WWOX: variants seen among roughly 807,000 people sequenced by gnomAD.
WWOX encodes the protein WW domain-containing oxidoreductase.
In WWOX, 69 loss-of-function variants were observed where a neutral mutation model predicts 46.2. The ratio of observed to expected loss-of-function variants is 1.49; its 90% CI spans 1.23 to 1.82. The LOEUF is 1.82. Among genes scored for constraint, WWOX ranks in the 40% most tolerant of loss-of-function variants. The pLI, the probability that WWOX is intolerant of heterozygous loss-of-function variation, is 0.00. For synonymous variants in WWOX, 359 were observed against 202.6 expected (o/e 1.77, Z -6.56); for missense variants, 919 against 542.6 (o/e 1.69, Z -6.89).
chr16:78,648,645 A>C (rs963330676), intron 8 of WWOX, among the ~76,000 whole-genome samples: 1 of 152,086 alleles, frequency 6.6e-6, no homozygotes, highest in Non-Finnish European at 1.5e-5. Flanking sequence ...CCCCAAACCA[A>C]TCATACAGGA....
At chr16:78,623,794 T>C (rs2046245272) in intron 8 of WWOX, among the ~76,000 whole-genome samples, 2 of 152,118 alleles carry the variant, frequency 1.3e-5, no homozygotes, top group African/African-American at 4.8e-5. Flanking sequence ...TATTTTCCAC[T>C]ATGAATGAAG....
chr16:78,623,003 G>T (rs1235726599), intron 8 of WWOX, among the ~76,000 whole-genome samples: 1 of 152,078 alleles, frequency 6.6e-6, no homozygotes, highest in South Asian at 2.1e-4. Context: ...GCAAGAAAAT[G>T]AGGACATTAG....
intron 5 of WWOX, among the ~76,000 whole-genome samples, chr16:78,215,336 C>T (rs757945102): frequency 4.6e-5 from 7 of 152,188 alleles, no homozygotes; most frequent in African/African-American, 7.2e-5. Context: ...ATAATCCCTA[C>T]GTGCCAGGTA....
At chr16:78,668,245 C>G (rs1189633240) in intron 8 of WWOX, among the ~76,000 whole-genome samples, 5 of 152,192 alleles carry the variant, frequency 3.3e-5, no homozygotes, top group Admixed American at 1.3e-4. Context: ...TATGCCATTG[C>G]ACTCCAGCCT....
At chr16:78,925,699 G>T (rs752161639) in intron 8 of WWOX, among the ~76,000 whole-genome samples, 23 of 152,150 alleles carry the variant, frequency 1.5e-4, no homozygotes, top group Non-Finnish European at 2.8e-4. Flanking sequence ...ATTTGAGAAG[G>T]GAAGTCTCCA....
chr16:78,740,280 C>A (rs539554505), intron 8 of WWOX, among the ~76,000 whole-genome samples: 1 of 152,200 alleles, frequency 6.6e-6, no homozygotes, highest in Admixed American at 6.5e-5. Flanking sequence ...CGGCTGCCTG[C>A]ACTGTCCTCT....
chr16:78,368,368 G>A (rs549627899), intron 5 of WWOX, among the ~76,000 whole-genome samples: 2 of 152,286 alleles, frequency 1.3e-5, no homozygotes, highest in South Asian at 4.1e-4. Flanking sequence ...GCCCTTCTGG[G>A]GGATGCTTTG....
chr16:78,853,415 G>A (rs931872054), intron 8 of WWOX, among the ~76,000 whole-genome samples: 17 of 152,018 alleles, frequency 1.1e-4, no homozygotes, highest in African/African-American at 3.4e-4. Context: ...GTTTTGCCAC[G>A]TTAACCAGGC....
intron 8 of WWOX, among the ~76,000 whole-genome samples, chr16:79,044,839 C>T (rs1024243853): frequency 2.0e-5 from 3 of 152,182 alleles, no homozygotes; most frequent in African/African-American, 7.2e-5. Flanking sequence ...CACTTAACAG[C>T]TCTGTGACCC....
At chr16:79,093,929 G>A (rs1255709700) in intron 8 of WWOX, among the ~76,000 whole-genome samples, 2 of 152,182 alleles carry the variant, frequency 1.3e-5, no homozygotes, top group East Asian at 1.9e-4. Context: ...AGAGAAAGGG[G>A]AGGAAGCCCA....
chr16:78,468,407 G>C (rs2084136097), intron 8 of WWOX, among the ~76,000 whole-genome samples: 1 of 151,914 alleles, frequency 6.6e-6, no homozygotes, highest in Non-Finnish European at 1.5e-5. Flanking sequence ...GCAAAAAAGA[G>C]AATTGCACAG....
At chr16:78,706,557 G>A (rs1017283095) in intron 8 of WWOX, among the ~76,000 whole-genome samples, 1 of 152,150 alleles carries the variant, frequency 6.6e-6, no homozygotes, top group African/African-American at 2.4e-5. Flanking sequence ...CTGCAGGCAG[G>A]AACAAGAGAG....
At chr16:78,814,776 G>A (rs533243214) in intron 8 of WWOX, among the ~76,000 whole-genome samples, 1 of 152,326 alleles carries the variant, frequency 6.6e-6, no homozygotes, top group South Asian at 2.1e-4. Flanking sequence ...TTACAGCCAA[G>A]GCCTTCTGGT....
chr16:78,115,098 A>C lies in WWOX; in HGVS notation c.353A>C (p.Gln118Pro), dbSNP rs752982374. The C allele has an allele frequency of 6.8e-6, 11 of 1,614,076 alleles. No individual in the cohort carries two copies. The South Asian group carries it at 1.1e-4, about 16-fold the overall frequency. Residue 118 changes from glutamine (Q) to proline (P), a missense_variant, in exon 4 of 9, where the codon CAG becomes CCG. Gln to Pro is a moderately conservative substitution (Grantham distance 76, BLOSUM62 -1). Coordinates refer to ENST00000566780, the MANE Select transcript of WWOX (RefSeq NM_016373.4). ...AGCACCACTGCCATGGAAATTCTCC[A>C]GGGCCGGGATTTCACTGGCAAAGTG... ...DGSTTAMEIL[Q>P]GRDFTGKVVV... is the part of the protein sequence containing the mutation.
At chr16:78,152,798 C>T (rs549796010) in intron 4 of WWOX, among the ~76,000 whole-genome samples, 2 of 152,350 alleles carry the variant, frequency 1.3e-5, no homozygotes, top group Admixed American at 6.5e-5. Context: ...CTTTACAAAA[C>T]ATTACGGCCT....
At chr16:78,976,199 A>G (rs1196648399) in intron 8 of WWOX, among the ~76,000 whole-genome samples, 2 of 152,220 alleles carry the variant, frequency 1.3e-5, no homozygotes, top group Non-Finnish European at 2.9e-5. Flanking sequence ...GAATGAACAA[A>G]TGAATGAATG....
At chr16:78,422,124 GTT>G (rs2082948471) in intron 6 of WWOX, among the ~76,000 whole-genome samples, 1 of 152,060 alleles carries the variant, frequency 6.6e-6, no homozygotes. Flanking sequence ...GTCTGCCACT[GTT>G]TCTGTTAGAC....
chr16:79,210,356 C>T (rs1246277565), intron 8 of WWOX, among the ~76,000 whole-genome samples: 1 of 152,152 alleles, frequency 6.6e-6, no homozygotes, highest in East Asian at 1.9e-4. Context: ...TCCTAGAATG[C>T]AAGCATAGTG....
chr16:78,756,849 G>A, intron 8 of WWOX: 1 of 694,878 alleles, frequency 1.4e-6, no homozygotes, highest in South Asian at 1.5e-5. Flanking sequence ...TAATCGATAG[G>A]GTATTGCAGA....
Sources: gnomAD v4.1 joint callset for allele counts (sites outside exome capture counted in the v4.1 genomes callset) on GRCh38, gnomAD v4.1.1 for gene constraint, MANE v1.5 for transcripts, NCBI Gene and HGNC (gene_info 2026-07-23, HGNC 2026-07-21) for gene names.